The following SLC4A7 variants were observed in gnomAD, a reference collection of about 807,000 sequenced individuals.
SLC4A7 encodes the protein solute carrier family 4 member 7, also known as sodium bicarbonate cotransporter 3.
SLC4A7 carries 51 observed loss-of-function variants against 137.6 expected under a neutral mutation model. The observed-to-expected ratio is 0.37, with a 90% CI of 0.30 to 0.47. The LOEUF is 0.47. SLC4A7 is among the 20% of genes least tolerant of loss of function. The pLI is 1.00. For synonymous variants in SLC4A7, 542 were observed against 518.6 expected, an observed-to-expected ratio of 1.05 and a Z score of -0.61; for missense variants, 1,247 against 1,525.4, an observed-to-expected ratio of 0.82 and a Z score of 3.04.
At chr3:27,408,263 G>A (rs2053573771) in intron 13 of SLC4A7, among the ~76,000 whole-genome samples, 1 of 152,194 alleles carries the variant, frequency 6.6e-6, no homozygotes, top group African/African-American at 2.4e-5. Flanking sequence ...GATTAGATGG[G>A]CAGGTAATGA....
intron 20 of SLC4A7, among the ~76,000 whole-genome samples, chr3:27,393,041 G>A (rs574907539): frequency 1.3e-5 from 2 of 152,212 alleles, no homozygotes; most frequent in South Asian, 2.1e-4. Context: ...AAAGGTCTGA[G>A]ATCTGTTTAG....
Position 27,386,033 on chromosome 3 carries a change from G to A in SLC4A7, c.3361-10C>T. 3 of 1,585,930 alleles carry A rather than the reference G, an allele frequency of 1.9e-6. No individual in the cohort carries two copies. The highest frequency in any genetic ancestry group is 2.6e-6 in the Non-Finnish European group (3 of 1,169,408). ...ACACTAATGCAAGAACCTTTAAAAA[G>A]TGGGGAAGGAAATATTAAGTAACAC... On this transcript the variant is annotated splice_polypyrimidine_tract_variant and intron_variant, in intron 22 of 25. Coordinates refer to ENST00000454389, the MANE Select transcript of SLC4A7 (RefSeq NM_001321103.2).
At chr3:27,433,070 C>G (rs960378650) in intron 6 of SLC4A7, 5 of 151,934 alleles carry the variant, frequency 3.3e-5, no homozygotes, top group African/African-American at 1.2e-4. Flanking sequence ...AAAACTAGAC[C>G]CTATCACCTA....
chr3:27,398,413 T>A (rs890579082), intron 16 of SLC4A7, 60 bp from the exon 17 acceptor site: 3 of 1,421,990 alleles, frequency 2.1e-6, no homozygotes. Context: ...AATAAATTAT[T>A]ATGAGCTTCA....
chr3:27,429,861 G>A lies in SLC4A7; in HGVS notation c.1150+1437C>T, dbSNP rs529383226. Among the ~76,000 whole-genome samples the A allele has an allele frequency of 4.2e-5, 6 of 141,922 alleles. No homozygotes were observed. The South Asian group carries it at 9.0e-4, about 21-fold the overall frequency. The allele number at this position is 141,922 out of a possible 152,430, so 93.1% of individuals were successfully genotyped here. ...AAGAACCTGTCTCTCCACCCCACCC[G>A]CCCAAGCAAAAAAAAAAAGCCTAAA... On this transcript the variant is annotated intron_variant, in intron 7 of 25. Transcript: ENST00000454389.
intron 3 of SLC4A7, among the ~76,000 whole-genome samples, chr3:27,445,547 G>A (rs534530489): frequency 2.0e-5 from 3 of 152,058 alleles, no homozygotes. Flanking sequence ...TAAATGGGAT[G>A]GCAGTTACAA....
At chr3:27,426,479 A>G (rs1005198039) in intron 7 of SLC4A7, among the ~76,000 whole-genome samples, 2 of 152,214 alleles carry the variant, frequency 1.3e-5, no homozygotes, top group African/African-American at 4.8e-5. Flanking sequence ...TGAGCATTAC[A>G]TACTTCCAAA....
intron 1 of SLC4A7, chr3:27,456,905 G>C (rs570541485): frequency 5.0e-5 from 49 of 984,816 alleles, no homozygotes; most frequent in Non-Finnish European, 5.8e-5. Context: ...GATTTGGAAA[G>C]TAATATACAC....
intron 1 of SLC4A7, among the ~76,000 whole-genome samples, chr3:27,466,730 G>A (rs945604990): frequency 5.3e-5 from 8 of 151,914 alleles, no homozygotes; most frequent in African/African-American, 1.7e-4. Context: ...GCTGGTGCGC[G>A]CCTGTAGTCC....
intron 7 of SLC4A7, among the ~76,000 whole-genome samples, chr3:27,427,138 G>A (rs758231787): frequency 5.9e-5 from 9 of 152,034 alleles, no homozygotes; most frequent in African/African-American, 9.7e-5. Flanking sequence ...GTCACAACTC[G>A]GGGGTGCTGC....
intron 6 of SLC4A7, chr3:27,433,172 C>A (rs886758240): frequency 1.3e-5 from 2 of 152,140 alleles, no homozygotes; most frequent in African/African-American, 4.8e-5. Context: ...TCCACTAGTC[C>A]TCACTGTAAT....
chr3:27,445,400 C>G (rs568937512), intron 3 of SLC4A7, among the ~76,000 whole-genome samples: 1 of 152,246 alleles, frequency 6.6e-6, no homozygotes, highest in African/African-American at 2.4e-5. Context: ...GAAACTGTCT[C>G]TGGGCAATAA....
At chr3:27,436,125 A>C (rs543210963) in intron 5 of SLC4A7, among the ~76,000 whole-genome samples, 1 of 152,302 alleles carries the variant, frequency 6.6e-6, no homozygotes, top group South Asian at 2.1e-4. Flanking sequence ...TCCCCATTCC[A>C]AAAAACAAGG....
chr3:27,435,897 C>T (rs949575980), intron 5 of SLC4A7, among the ~76,000 whole-genome samples: 1 of 152,176 alleles, frequency 6.6e-6, no homozygotes, highest in African/African-American at 2.4e-5. Flanking sequence ...AATCTCATCT[C>T]TAACTGGGTT....
chr3:27,431,833 A>T (rs1212127006), intron 6 of SLC4A7, among the ~76,000 whole-genome samples, 164 bp from the exon 7 acceptor site: 3 of 152,198 alleles, frequency 2.0e-5, no homozygotes, highest in Non-Finnish European at 4.4e-5. Flanking sequence ...ACATGTTAGA[A>T]AGTCACTAAA....
rs2150141378 is a variant in SLC4A7, at chr3:27,400,760, T to C, written c.2427+4A>G. ...CAAAACCCTTTATTTCAAAATATAC[T>C]CACAGAAACAGTAAGATTTCTCCAG... is the stretch of plus-strand genomic sequence containing the variant. On this transcript the variant is annotated splice_donor_region_variant and intron_variant, in intron 16 of 25. Coordinates refer to ENST00000454389, the MANE Select transcript of SLC4A7 (RefSeq NM_001321103.2). 1.3e-6 allele frequency: 2 copies of C among 1,520,548 alleles called. No individual in the cohort carries two copies. Among genetic ancestry groups the C allele is most frequent in the East Asian group, 2.3e-5 (1 of 44,428 alleles). 94.2% of individuals were successfully genotyped at this position (1,520,548 alleles called of 1,614,324 possible). A position where few individuals can be genotyped will look rare whatever the true frequency, so the allele number is the denominator to read the frequency against.
In SLC4A7 at chr3:27,424,067, G is replaced by A; in HGVS notation, c.1236C>T (p.Ser412=). The A allele has an allele frequency of 2.5e-6, 4 of 1,606,096 alleles. No individual in the cohort carries two copies. Among genetic ancestry groups the A allele is most frequent in the Non-Finnish European group, 3.4e-6 (4 of 1,173,468 alleles). Residue 412 remains serine, a synonymous_variant, in exon 8 of 26, where the codon AGC becomes AGT. Coordinates refer to ENST00000454389, the MANE Select transcript of SLC4A7 (RefSeq NM_001321103.2). ...TGAAGTCAACAGTACTATTTTCTCT[G>A]CTTCCACCACTTCCATTACCTTTAA... ...GEIKGNGSGG[S]RENSTVDFSK...
rs9823689 is a variant in SLC4A7 at position 27,386,030 on chromosome 3, A to G, written c.3361-7T>C. 0.12 allele frequency: 195,545 copies of G among 1,587,476 alleles called. 13,338 individuals are homozygous for G. Among genetic ancestry groups the G allele is most frequent in the African/African-American group, 0.24 (17,306 of 73,254 alleles). ...CAAACACTAATGCAAGAACCTTTAA[A>G]AAGTGGGGAAGGAAATATTAAGTAA... On this transcript the variant is annotated splice_region_variant and splice_polypyrimidine_tract_variant and intron_variant, in intron 22 of 25. Coordinates refer to ENST00000454389, the MANE Select transcript of SLC4A7 (RefSeq NM_001321103.2).
intron 1 of SLC4A7, among the ~76,000 whole-genome samples, chr3:27,456,495 T>C (rs1012805427): frequency 3.9e-5 from 6 of 152,188 alleles, no homozygotes; most frequent in African/African-American, 1.4e-4. Context: ...ACACAAGGAA[T>C]TACTCTTCAA....
Sources: gnomAD v4.1 joint callset for allele counts (sites outside exome capture counted in the v4.1 genomes callset) on GRCh38, gnomAD v4.1.1 for gene constraint, MANE v1.5 for transcripts, NCBI Gene and HGNC (gene_info 2026-07-23, HGNC 2026-07-21) for gene names.